The following CKAP2L variants were observed in gnomAD, a reference collection of about 807,000 sequenced individuals.
CKAP2L encodes the protein cytoskeleton associated protein 2L.
In CKAP2L, 42 loss-of-function variants were observed where a neutral mutation model predicts 65.7. The observed-to-expected ratio is 0.64, with a 90% CI of 0.50 to 0.83. The LOEUF is 0.83. Ranked by LOEUF, CKAP2L falls within the 40% of genes least tolerant of loss-of-function variation. The pLI is 0.00. For missense variants in CKAP2L, 908 were observed against 871.0 expected (o/e 1.04, Z -0.53); for synonymous variants, 325 against 313.5 (o/e 1.04, Z -0.39).
chr2:112,741,440 C>T (rs910223565), intron 7 of CKAP2L, among the ~76,000 whole-genome samples: 1 of 152,180 alleles, frequency 6.6e-6, no homozygotes, highest in African/African-American at 2.4e-5. Context: ...ATGGTTACTG[C>T]CTTGGACAGT....
At position 112,736,897 on chromosome 2, in the gene CKAP2L, T is replaced by C. The variant is rs72950385; in HGVS notation, c.*1926A>G. ...TGAGAATAACACTGCCACAAACATG[T>C]GAGTGCAGATATCTTTATGAGGTGA... On this transcript the variant is annotated 3_prime_UTR_variant, in exon 9 of 9. Transcript: ENST00000302450. 1 of 152,156 alleles carries C rather than the reference T, an allele frequency of 6.6e-6. No homozygotes were observed. The highest frequency in any genetic ancestry group is 1.5e-5 in the Non-Finnish European group (1 of 68,034). The allele number at this position is 152,156 out of a possible 1,614,324, so 9.4% of individuals were successfully genotyped here. A position where few individuals can be genotyped will look rare whatever the true frequency, so the allele number is the denominator to read the frequency against.
chr2:112,745,100 T>G (rs545107456), intron 6 of CKAP2L, among the ~76,000 whole-genome samples: 3 of 152,126 alleles, frequency 2.0e-5, no homozygotes, highest in Non-Finnish European at 4.4e-5. Context: ...GAAAGACAGC[T>G]GGTGAAGACG....
At chr2:112,763,578 G>A (rs1409481840) in intron 1 of CKAP2L, 1 of 152,118 alleles carries the variant, frequency 6.6e-6, no homozygotes, top group Non-Finnish European at 1.5e-5. Flanking sequence ...GGCCATAAGA[G>A]ACGAAAAGAA....
chr2:112,742,931 G>A (rs572175112), intron 6 of CKAP2L, 162 bp from the exon 7 acceptor site: 12 of 581,566 alleles, frequency 2.1e-5, no homozygotes, highest in Non-Finnish European at 3.3e-5. Flanking sequence ...ATAGCTTCAT[G>A]AGAAAAGTAA....
chr2:112,762,483 C>T lies in CKAP2L; in HGVS notation c.104+20G>A, dbSNP rs779459251. On this transcript the variant is annotated intron_variant, in intron 2 of 8. Coordinates refer to ENST00000302450, the MANE Select transcript of CKAP2L (RefSeq NM_152515.5). ...AAAGAAGGCAACAAAACTTGCGTAA[C>T]TGTGGACAGATAAACTCACTTGGTG... is the stretch of plus-strand genomic sequence containing the variant. The T allele has an allele frequency of 6.2e-7, 1 of 1,605,974 alleles. No homozygotes were observed. Among genetic ancestry groups the T allele is most frequent in the Non-Finnish European group, 8.5e-7 (1 of 1,172,560 alleles).
chr2:112,756,104 T>C lies in CKAP2L; in HGVS notation c.1267A>G (p.Lys423Glu), dbSNP rs778750525. The change falls in exon 4 of 9, where the codon AAA (lysine) becomes GAA (glutamate). Residue 423 changes from lysine to glutamate, a missense_variant. By Grantham distance (56) the Lys-to-Glu change is moderately conservative (BLOSUM62 1). Transcript: ENST00000302450. ...QKAQTLDSKL[K>E]KAVPQNHFLN... is the part of the protein sequence containing the mutation. The stretch of plus-strand genomic sequence containing the variant: ...AAATGGTTCTGGGGAACAGCCTTTT[T>C]CAACTTGGAGTCCAAAGTCTGTGCT... 6.2e-7 allele frequency: 1 copy of C among 1,614,194 alleles called. No homozygotes were observed.
At chr2:112,752,765 A>G (rs562691955) in intron 4 of CKAP2L, among the ~76,000 whole-genome samples, 1 of 152,304 alleles carries the variant, frequency 6.6e-6, no homozygotes, top group East Asian at 1.9e-4. Context: ...ACTTCACTAT[A>G]TGCTACTTGA....
chr2:112,746,359 C>T, intron 6 of CKAP2L, 61 bp downstream of exon 6: 1 of 1,411,144 alleles, frequency 7.1e-7, no homozygotes, highest in Non-Finnish European at 9.8e-7. Flanking sequence ...TTACAAACAA[C>T]AACAGAGAAC....
chr2:112,753,017 C>T (rs1680423079), intron 4 of CKAP2L, among the ~76,000 whole-genome samples: 1 of 152,172 alleles, frequency 6.6e-6, no homozygotes, highest in South Asian at 2.1e-4. Flanking sequence ...TCTGATAGTG[C>T]CAAGTGTCCC....
At chr2:112,751,049 T>C (rs1230620250) in intron 5 of CKAP2L, among the ~76,000 whole-genome samples, 3 of 152,122 alleles carry the variant, frequency 2.0e-5, no homozygotes, top group African/African-American at 4.8e-5. Flanking sequence ...ATATGAACTC[T>C]AGAACAATGA....
At position 112,757,155 on chromosome 2, in the gene CKAP2L, C is replaced by G. The variant is rs1680566562; in HGVS notation, c.216G>C (p.Arg72Ser). 2 of 1,613,526 alleles carry G rather than the reference C, an allele frequency of 1.2e-6. No individual in the cohort carries two copies. The highest frequency in any genetic ancestry group is 1.6e-4 in the Middle Eastern group (1 of 6,082). ...TGGGCTGGAGTTTAATGCTGATGGA[C>G]CTTTTAGGTTTGACAGGCAAAACAA... is the stretch of plus-strand genomic sequence containing the variant. Reference protein sequence around the residue: ...NHVVLPVKPKRSISIKLQPRP... With the variant: ...NHVVLPVKPKSSISIKLQPRP... Residue 72 changes from arginine to serine, a missense_variant, in exon 4 of 9, where the codon AGG becomes AGC. Arg to Ser is a moderately radical substitution (Grantham distance 110). Coordinates refer to ENST00000302450, the MANE Select transcript of CKAP2L (RefSeq NM_152515.5).
chr2:112,738,757 T>G lies in CKAP2L; in HGVS notation c.*66A>C. 1.8e-6 allele frequency: 2 copies of G among 1,104,208 alleles called. No individual in the cohort carries two copies. Among genetic ancestry groups the G allele is most frequent in the Non-Finnish European group, 2.7e-6 (2 of 734,532 alleles). The allele number at this position is 1,104,208 out of a possible 1,614,324, so 68.4% of individuals were successfully genotyped here. A position where few individuals can be genotyped will look rare whatever the true frequency, so the allele number is the denominator to read the frequency against. On this transcript the variant is annotated 3_prime_UTR_variant, in exon 9 of 9. Transcript: ENST00000302450. ...TGCCTCTCTTTTTTTCCAGGTCACTTGGACAAGAATATTTCTTGTCTTATG... is the reference window on the plus strand; with the variant it reads ...TGCCTCTCTTTTTTTCCAGGTCACTGGGACAAGAATATTTCTTGTCTTATG...
chr2:112,757,351 A>G, intron 3 of CKAP2L, 137 bp from the exon 4 acceptor site: 1 of 630,780 alleles, frequency 1.6e-6, no homozygotes, highest in Non-Finnish European at 2.6e-6. Flanking sequence ...ATCCTCAGAA[A>G]GTAAAGAAAG....
rs191756634 is a variant in CKAP2L, at chr2:112,749,291, A to G, written c.1603-2716T>C. Among the ~76,000 whole-genome samples, 32 of 152,344 alleles carry G rather than the reference A, an allele frequency of 2.1e-4. No homozygotes were observed. In the East Asian group the frequency reaches 6.2e-3, roughly 29 times the overall value. The stretch of plus-strand genomic sequence containing the variant: ...GGTGTGGCAAGATTAATCAGACAAA[A>G]GAAATCAAAGCAAGTCATGAATCTT... On this transcript the variant is annotated intron_variant, in intron 5 of 8. Coordinates refer to ENST00000302450, the MANE Select transcript of CKAP2L (RefSeq NM_152515.5).
At chr2:112,752,575 C>A in intron 4 of CKAP2L, 101 bp from the exon 5 acceptor site, 1 of 719,410 alleles carries the variant, frequency 1.4e-6, no homozygotes, top group Admixed American at 3.0e-5. Context: ...TAAATACTTT[C>A]AACTACAGAC....
Position 112,756,737 on chromosome 2 carries a change from C to T in CKAP2L, c.634G>A (p.Asp212Asn), listed in dbSNP as rs1680553341. Residue 212 changes from aspartate to asparagine, a missense_variant, in exon 4 of 9, where the codon GAC (aspartate) becomes AAC (asparagine). Physicochemically the swap from Asp to Asn is conservative, Grantham distance 23. Coordinates refer to ENST00000302450, the MANE Select transcript of CKAP2L (RefSeq NM_152515.5). ...KLYTRSKPKT[D>N]SYNQTKNSLV... The stretch of plus-strand genomic sequence containing the variant: ...CTGTTCTTGGTTTGATTATAAGAGT[C>T]AGTCTTTGGCTTACTTCTGGTATAT... The T allele has an allele frequency of 2.5e-6, 4 of 1,596,058 alleles. No homozygotes were observed. In the South Asian group the frequency reaches 4.6e-5, roughly 18 times the overall value.
At chr2:112,759,906 A>G (rs570877724) in intron 3 of CKAP2L, among the ~76,000 whole-genome samples, 4 of 151,478 alleles carry the variant, frequency 2.6e-5, no homozygotes, top group Admixed American at 6.6e-5. Flanking sequence ...ATAAAAACTT[A>G]TATGTCTATA....
Position 112,738,778 on chromosome 2 carries a change from T to A in CKAP2L, c.*45A>T, listed in dbSNP as rs770855085. 7.7e-7 allele frequency: 1 copy of A among 1,292,432 alleles called. No individual in the cohort carries two copies. The highest frequency in any genetic ancestry group is 1.2e-5 in the South Asian group (1 of 83,550). 80.1% of individuals were successfully genotyped at this position (1,292,432 alleles called of 1,614,324 possible). On this transcript the variant is annotated 3_prime_UTR_variant, in exon 9 of 9. Transcript: ENST00000302450. ...CACTTGGACAAGAATATTTCTTGTC[T>A]TATGTTGGTTCTGAAACACCTTTTT...
intron 8 of CKAP2L, among the ~76,000 whole-genome samples, chr2:112,739,549 G>A (rs1679719741): frequency 6.6e-6 from 1 of 152,212 alleles, no homozygotes; most frequent in Non-Finnish European, 1.5e-5. Context: ...CAAATATTTG[G>A]CAGTTGGTGT....
Sources: allele counts gnomAD v4.1 joint callset (sites outside exome capture counted in the v4.1 genomes callset), GRCh38; gene constraint gnomAD v4.1.1; transcripts MANE v1.5; gene names NCBI Gene and HGNC (gene_info 2026-07-23, HGNC 2026-07-21).